Variants in NFIC observed in about 807,000 individuals in gnomAD.
The protein encoded by NFIC is nuclear factor 1 C-type.
A neutral mutation model predicts 54.4 loss-of-function variants in NFIC; 12 were observed. The observed-to-expected ratio is 0.22, with a 90% CI of 0.14 to 0.36. NFIC has a LOEUF of 0.36. Among genes scored for constraint, NFIC ranks in the 10% least tolerant of loss-of-function variants. The pLI is 1.00. For missense variants in NFIC, 575 were observed against 718.2 expected (o/e 0.80, Z 2.28); for synonymous variants, 322 against 319.2 (o/e 1.01, Z -0.09).
rs1432149610 is a variant in NFIC, at chr19:3,429,251, TATACACACACACAC to T, written c.634+4076_634+4089del. 6.9e-4 allele frequency among the ~76,000 whole-genome samples: 19 copies of T among 27,586 alleles called. 1 individual carries two copies. Among genetic ancestry groups the T allele is most frequent in the African/African-American group, 2.2e-3 (17 of 7,724 alleles). The allele number at this position is 27,586 out of a possible 152,430, so 18.1% of individuals were successfully genotyped here. ...TACCCCAAAAAAAAAAAAAAAAATA[TATACACACACACAC>T]ACACACACACACACACACACACACA... is the stretch of plus-strand genomic sequence containing the variant. On this transcript the variant is annotated intron_variant, in intron 3 of 10. Transcript: ENST00000443272.
At chr19:3,447,163 G>A (rs916216420) in intron 6 of NFIC, among the ~76,000 whole-genome samples, 2 of 151,980 alleles carry the variant, frequency 1.3e-5, no homozygotes, top group South Asian at 4.1e-4. Context: ...CCCGGGCGTG[G>A]TGGTGGGCGC....
rs978607663 is a variant in NFIC at position 3,370,167 on chromosome 19, G to A, written c.30+3501G>A. On this transcript the variant is annotated intron_variant, in intron 1 of 10. Transcript: ENST00000443272. This position sits in a 1 kb window ranked among gnomAD's most constrained non-coding sequence, Gnocchi z 5.2. ...CCCTCAGTGCCGGGAGAGGGGCTAAGAGTCAGAGAGGGCCAGGGCCTGCCC... is the reference window on the plus strand; with the variant it reads ...CCCTCAGTGCCGGGAGAGGGGCTAAAAGTCAGAGAGGGCCAGGGCCTGCCC... 3.3e-5 allele frequency among the ~76,000 whole-genome samples: 5 copies of A among 152,182 alleles called. No individual in the cohort carries two copies. Among genetic ancestry groups the A allele is most frequent in the African/African-American group, 4.8e-5 (2 of 41,446 alleles).
intron 3 of NFIC, among the ~76,000 whole-genome samples, chr19:3,432,406 C>G (rs1459036323): frequency 2.6e-5 from 4 of 152,144 alleles, no homozygotes; most frequent in Non-Finnish European, 5.9e-5. Context: ...AGACAGACAT[C>G]CCTGCCCACA....
chr19:3,361,076 C>T (rs1176114793), intron 1 of NFIC, among the ~76,000 whole-genome samples: 2 of 152,178 alleles, frequency 1.3e-5, no homozygotes, highest in East Asian at 1.9e-4. Flanking sequence ...TTTATCTTTC[C>T]CCTACGTCCC....
Position 3,382,188 on chromosome 19 carries a change from T to C in NFIC, c.507T>C (p.Ile169=). ...HPVLCVQPHH[I]GVAVKELDLY... is the part of the protein sequence containing the mutation. ...TCCTGTGCGTGCAGCCGCACCACAT[T>C]GGCGTGGCCGTCAAGGAGCTGGACC... The change falls in exon 2 of 11, where the codon ATT becomes ATC. Residue 169 remains isoleucine, a synonymous_variant. Transcript: ENST00000443272. 6.2e-7 allele frequency: 1 copy of C among 1,610,978 alleles called. No homozygotes were observed. Among genetic ancestry groups the C allele is most frequent in the Non-Finnish European group, 8.5e-7 (1 of 1,179,866 alleles).
intron 1 of NFIC, 118 bp downstream of exon 1, chr19:3,366,784 C>G: frequency 1.5e-6 from 1 of 667,532 alleles, no homozygotes. Flanking sequence ...GCCATCCCTG[C>G]CCGGGATGCC....
intron 2 of NFIC, among the ~76,000 whole-genome samples, chr19:3,408,802 A>G (rs180781940): frequency 3.0e-4 from 45 of 152,238 alleles, no homozygotes; most frequent in African/African-American, 1.1e-3. Flanking sequence ...AGGTTTCACC[A>G]TGTTGACCAG....
At chr19:3,444,377 C>T (rs1465369875) in intron 6 of NFIC, among the ~76,000 whole-genome samples, 3 of 152,176 alleles carry the variant, frequency 2.0e-5, no homozygotes, top group African/African-American at 4.8e-5. Flanking sequence ...CCGGGAGGGG[C>T]GTATGGATGT....
Position 3,467,789 on chromosome 19 carries a change from A to ATATATATATATATATATATATATAT in NFIC, c.*5020_*5021insTATATATATATATATATATATATAT, listed in dbSNP as rs1176215106. 3.8e-4 allele frequency: 49 copies of ATATATATATATATATATATATATAT among 129,330 alleles called. No homozygotes were observed. Among genetic ancestry groups the ATATATATATATATATATATATATAT allele is most frequent in the East Asian group, 1.3e-3 (5 of 3,964 alleles). 8.0% of individuals were successfully genotyped at this position (129,330 alleles called of 1,614,324 possible). A position where few individuals can be genotyped will look rare whatever the true frequency, so the allele number is the denominator to read the frequency against. Reference sequence around the variant, plus strand: ...TATATATATATATATATATATATATAATTTTGGAATTTGTTTCTCATAATA... The same window carrying ATATATATATATATATATATATATAT: ...TATATATATATATATATATATATATATATATATATATATATATATATATATATTTTGGAATTTGTTTCTCATAATA... On this transcript the variant is annotated 3_prime_UTR_variant, in exon 11 of 11. Transcript: ENST00000443272.
upstream of NFIC, chr19:3,366,549 G>C (rs1299305708): frequency 1.6e-6 from 1 of 608,352 alleles, no homozygotes; most frequent in Non-Finnish European, 2.5e-6. Flanking sequence ...GGGGGGGTTG[G>C]GGGGGGCGGG....
chr19:3,395,358 C>G (rs899622773), intron 2 of NFIC, among the ~76,000 whole-genome samples: 7 of 151,884 alleles, frequency 4.6e-5, no homozygotes, highest in African/African-American at 1.4e-4. Flanking sequence ...GAATCTAACT[C>G]TTTTGCCCAG....
Position 3,452,751 on chromosome 19 carries a change from C to T in NFIC, c.1269+85C>T, listed in dbSNP as rs1471590100. 6.8e-7 allele frequency: 1 copy of T among 1,472,938 alleles called. No homozygotes were observed. Among genetic ancestry groups the T allele is most frequent in the African/African-American group, 1.4e-5 (1 of 70,964 alleles). 91.2% of individuals were successfully genotyped at this position (1,472,938 alleles called of 1,614,324 possible). A position where few individuals can be genotyped will look rare whatever the true frequency, so the allele number is the denominator to read the frequency against. On this transcript the variant is annotated intron_variant, in intron 8 of 10. Transcript: ENST00000443272. The surrounding 1 kb of genome is among the most constrained non-coding windows in gnomAD (Gnocchi z 5.3). ...CCACGTGCTCACACGAAGGCACAAC[C>T]TCTGCTTAAAAGGGTCTTGAGGACT...
intron 3 of NFIC, among the ~76,000 whole-genome samples, chr19:3,428,133 G>A (rs1038189454): frequency 1.3e-5 from 2 of 149,346 alleles, no homozygotes; most frequent in African/African-American, 4.9e-5. Context: ...TCGCGCCATT[G>A]CACTCTAGCC....
At chr19:3,434,918 G>T (rs1029829546) in intron 5 of NFIC, 165 bp from the exon 6 acceptor site, 5 of 899,300 alleles carry the variant, frequency 5.6e-6, no homozygotes, top group Non-Finnish European at 8.2e-6. Flanking sequence ...GTTGGAACAG[G>T]CGTTCGTAGG....
At chr19:3,367,673 C>T (rs906216731) in intron 1 of NFIC, among the ~76,000 whole-genome samples, 3 of 152,234 alleles carry the variant, frequency 2.0e-5, no homozygotes, top group African/African-American at 7.2e-5. Context: ...TTCCTCCTTA[C>T]GCAGTGTGTC....
chr19:3,363,228 T>TGTGTGTGTGTGTGTGCGC (rs1420040180), upstream of NFIC, among the ~76,000 whole-genome samples: 21 of 61,866 alleles, frequency 3.4e-4, 1 homozygote, highest in Non-Finnish European at 2.7e-4. Context: ...TGTATATGTA[T>TGTGTGTGTGTGTGTGCGC]GTGTATGTGT....
intron 1 of NFIC, chr19:3,359,743 G>A: frequency 7.2e-7 from 1 of 1,379,560 alleles, no homozygotes. Context: ...TGGTGCGTGG[G>A]CTCCGGGCGA....
At chr19:3,377,901 C>T (rs1035914246) in intron 1 of NFIC, among the ~76,000 whole-genome samples, 5 of 151,986 alleles carry the variant, frequency 3.3e-5, no homozygotes, top group African/African-American at 7.2e-5. Flanking sequence ...GGACTACAGA[C>T]GCGCACCACA....
intron 7 of NFIC, among the ~76,000 whole-genome samples, chr19:3,451,906 C>T (rs1351535960): frequency 6.6e-6 from 1 of 151,910 alleles, no homozygotes; most frequent in Non-Finnish European, 1.5e-5. Context: ...CACCTGAGGT[C>T]AGGAGTTCAA....
Sources: gnomAD v4.1 joint callset for allele counts (sites outside exome capture counted in the v4.1 genomes callset) on GRCh38, gnomAD v4.1.1 for gene constraint, Gnocchi (gnomAD v3.1) non-coding constraint, MANE v1.5 for transcripts, NCBI Gene and HGNC (gene_info 2026-07-23, HGNC 2026-07-21) for gene names.